The following OSBPL9 variants were observed in gnomAD, a reference collection of about 807,000 sequenced individuals.
The protein encoded by OSBPL9 is oxysterol binding protein like 9.
In OSBPL9, 40 loss-of-function variants were observed where a neutral mutation model predicts 106.6. The ratio of observed to expected loss-of-function variants is 0.38; its 90% CI spans 0.29 to 0.49. OSBPL9 has a LOEUF of 0.49. Among genes scored for constraint, OSBPL9 ranks in the 20% least tolerant of loss-of-function variants. The pLI is 0.97. For missense variants in OSBPL9, 609 were observed against 887.2 expected, an observed-to-expected ratio of 0.69 and a Z score of 3.98; for synonymous variants, 269 against 295.4, an observed-to-expected ratio of 0.91 and a Z score of 0.92.
At chr1:51,665,863 T>C (rs1016794805) in intron 2 of OSBPL9, among the ~76,000 whole-genome samples, 1 of 152,194 alleles carries the variant, frequency 6.6e-6, no homozygotes, top group South Asian at 2.1e-4. Context: ...TTTGTGTATA[T>C]ATATATATTT....
At chr1:51,651,077 A>G (rs561961084) in intron 1 of OSBPL9, among the ~76,000 whole-genome samples, 1 of 152,196 alleles carries the variant, frequency 6.6e-6, no homozygotes, top group Non-Finnish European at 1.5e-5. Context: ...GCATGCCACA[A>G]CAGGGGAACA....
intron 1 of OSBPL9, among the ~76,000 whole-genome samples, chr1:51,625,653 A>G (rs1644724576): frequency 6.6e-6 from 1 of 151,948 alleles, no homozygotes; most frequent in African/African-American, 2.4e-5. Context: ...CCTCCTGAGT[A>G]GCTGGGACCA....
intron 1 of OSBPL9, among the ~76,000 whole-genome samples, chr1:51,586,040 G>C (rs1645245833): frequency 6.6e-6 from 1 of 151,326 alleles, no homozygotes; most frequent in African/African-American, 2.4e-5. Flanking sequence ...GGGCATAGGT[G>C]GCGCACACCT....
At chr1:51,617,017 ACCCG>A, upstream of OSBPL9, 7 of 1,405,510 alleles carry the variant, frequency 5.0e-6, no homozygotes, top group African/African-American at 1.4e-5. Context: ...CCCGCCCAGG[ACCCG>A]CCCCGCCCCC....
chr1:51,783,832 A>C lies in OSBPL9; in HGVS notation c.1514-83A>C, dbSNP rs1676971469. 3 of 1,021,250 alleles carry C rather than the reference A, an allele frequency of 2.9e-6. No homozygotes were observed. In the Admixed American group the frequency reaches 6.0e-5, roughly 21 times the overall value. 63.3% of individuals were successfully genotyped at this position (1,021,250 alleles called of 1,614,324 possible). ...TGAAGGGTAAAGGATTTCCCCATGA[A>C]GCCAATTATTTCCCCAGGTTATGTG... On this transcript the variant is annotated intron_variant, in intron 17 of 23. Transcript: ENST00000428468.
Position 51,767,936 on chromosome 1 carries a change from C to CTTTTTTTTTTT in OSBPL9, c.938+1972_938+1982dup, listed in dbSNP as rs869092922. Among the ~76,000 whole-genome samples, 35 of 65,054 alleles carry CTTTTTTTTTTT rather than the reference C, an allele frequency of 5.4e-4. 4 individuals carry two copies. The highest frequency in any genetic ancestry group is 2.0e-3 in the African/African-American group (34 of 16,732). The allele number at this position is 65,054 out of a possible 152,430, so 42.7% of individuals were successfully genotyped here. A position where few individuals can be genotyped will look rare whatever the true frequency, so the allele number is the denominator to read the frequency against. ...TATTTAAAAGAGAATTAAAGACCGTCTTTTTTTTTTTTTTTTTTTTTTTTT... is the reference window on the plus strand; with the variant it reads ...TATTTAAAAGAGAATTAAAGACCGTCTTTTTTTTTTTTTTTTTTTTTTTTTTTTTTTTTTTT... On this transcript the variant is annotated intron_variant, in intron 12 of 23. Coordinates refer to ENST00000428468, the MANE Select transcript of OSBPL9 (RefSeq NM_024586.6).
intron 3 of OSBPL9, among the ~76,000 whole-genome samples, chr1:51,680,293 T>C (rs1304867668): frequency 6.6e-6 from 1 of 151,818 alleles, no homozygotes; most frequent in East Asian, 1.9e-4. Flanking sequence ...ATAAATAGGT[T>C]ATCCAGATTT....
At chr1:51,582,792 C>T (rs1452104119) in intron 1 of OSBPL9, 1 of 151,960 alleles carries the variant, frequency 6.6e-6, no homozygotes, top group Non-Finnish European at 1.5e-5. Flanking sequence ...AAGAAAATAA[C>T]ATATCAAAGG....
intron 3 of OSBPL9, among the ~76,000 whole-genome samples, chr1:51,697,453 C>CTTTTTTTTTT (rs759965779): frequency 9.7e-6 from 1 of 103,164 alleles, no homozygotes; most frequent in South Asian, 3.4e-4. Context: ...ATAGGGGTTA[C>CTTTTTTTTTT]TTTTTTTTTT....
chr1:51,646,631 G>T (rs1316657999), intron 1 of OSBPL9, among the ~76,000 whole-genome samples: 1 of 151,994 alleles, frequency 6.6e-6, no homozygotes, highest in African/African-American at 2.4e-5. Flanking sequence ...ACAACCTCCT[G>T]GGTTCAAGCG....
At chr1:51,591,437 C>T (rs1252018222) in intron 1 of OSBPL9, among the ~76,000 whole-genome samples, 8 of 152,176 alleles carry the variant, frequency 5.3e-5, no homozygotes, top group Middle Eastern at 6.8e-3. Flanking sequence ...TAGAGAACAC[C>T]GGGGGAAATA....
At chr1:51,619,128 A>G (rs1018976923) in intron 1 of OSBPL9, among the ~76,000 whole-genome samples, 1 of 152,226 alleles carries the variant, frequency 6.6e-6, no homozygotes, top group Non-Finnish European at 1.5e-5. Flanking sequence ...CCCATGGCTT[A>G]GATAAAGGAA....
the OSBPL9 span, chr1:51,567,041 C>G: frequency 6.6e-6 from 1 of 152,242 alleles, no homozygotes; most frequent in African/African-American, 2.4e-5. Flanking sequence ...CAGTGCTACT[C>G]TTTCTCAAGT....
intron 11 of OSBPL9, among the ~76,000 whole-genome samples, chr1:51,763,347 T>A (rs1358446295): frequency 6.6e-6 from 1 of 152,186 alleles, no homozygotes; most frequent in Non-Finnish European, 1.5e-5. Flanking sequence ...CTTTATTTTT[T>A]CTCTGTTTTA....
chr1:51,665,925 G>A (rs971238918), intron 2 of OSBPL9, among the ~76,000 whole-genome samples: 13 of 152,052 alleles, frequency 8.5e-5, no homozygotes, highest in Non-Finnish European at 1.9e-4. Context: ...TGCGATCTTG[G>A]CTCACAGCAA....
chr1:51,719,672 T>C (rs1661707918), intron 4 of OSBPL9, among the ~76,000 whole-genome samples: 2 of 152,198 alleles, frequency 1.3e-5, no homozygotes, highest in Non-Finnish European at 2.9e-5. Context: ...GAAAAAACTC[T>C]TGCAGGCTGT....
intron 2 of OSBPL9, among the ~76,000 whole-genome samples, chr1:51,605,325 T>C (rs998610659): frequency 4.6e-5 from 7 of 152,146 alleles, no homozygotes; most frequent in African/African-American, 1.4e-4. Flanking sequence ...GAGCAGTGGC[T>C]CACACCTGCA....
At chr1:51,607,154 TTTTC>T (rs943361793) in intron 2 of OSBPL9, among the ~76,000 whole-genome samples, 4 of 150,022 alleles carry the variant, frequency 2.7e-5, no homozygotes, top group African/African-American at 9.9e-5. Context: ...TTTTCTTTTC[TTTTC>T]TTTTTCTTTT....
intron 4 of OSBPL9, among the ~76,000 whole-genome samples, chr1:51,715,967 A>G (rs1660978451): frequency 1.3e-5 from 2 of 152,000 alleles, no homozygotes; most frequent in South Asian, 4.1e-4. Context: ...ACAATTCACT[A>G]TCTCCTTATC....
Sources: gnomAD v4.1 joint callset for allele counts (sites outside exome capture counted in the v4.1 genomes callset) on GRCh38, gnomAD v4.1.1 for gene constraint, MANE v1.5 for transcripts, NCBI Gene and HGNC (gene_info 2026-07-23, HGNC 2026-07-21) for gene names.